MBNL2: variants seen among roughly 807,000 people sequenced by gnomAD.
The protein encoded by MBNL2 is muscleblind-like protein 2.
In MBNL2, 17 loss-of-function variants were observed where a neutral mutation model predicts 41.9. The ratio of observed to expected loss-of-function variants is 0.41; its 90% CI spans 0.28 to 0.61. MBNL2 has a LOEUF of 0.61. MBNL2 is among the 20% of genes least tolerant of loss of function. MBNL2 has a pLI of 0.35. For missense variants in MBNL2, 336 were observed against 505.6 expected, an observed-to-expected ratio of 0.66 and a Z score of 3.22; for synonymous variants, 195 against 182.9, an observed-to-expected ratio of 1.07 and a Z score of -0.53.
the MBNL2 span, among the ~76,000 whole-genome samples, chr13:97,181,562 A>T: frequency 6.6e-6 from 1 of 152,198 alleles, no homozygotes; most frequent in Non-Finnish European, 1.5e-5. Flanking sequence ...TTTTGCTCCT[A>T]AAAAATTCTC....
chr13:97,348,277 C>T (rs1431442634), intron 5 of MBNL2, among the ~76,000 whole-genome samples: 1 of 151,838 alleles, frequency 6.6e-6, no homozygotes, highest in Admixed American at 6.6e-5. Context: ...CCAGGCTAGT[C>T]TCAAAACTCC....
intron 1 of MBNL2, among the ~76,000 whole-genome samples, chr13:97,272,267 TTGTA>T (rs2051204898): frequency 6.6e-6 from 1 of 152,184 alleles, no homozygotes; most frequent in East Asian, 1.9e-4. Flanking sequence ...TTCATATCCT[TTGTA>T]TGTTCATATC....
At chr13:97,208,775 G>A in the MBNL2 span, among the ~76,000 whole-genome samples, 1 of 152,082 alleles carries the variant, frequency 6.6e-6, no homozygotes, top group Non-Finnish European at 1.5e-5. Context: ...ATGTTAACTG[G>A]GCAGATGTGT....
intron 3 of MBNL2, among the ~76,000 whole-genome samples, chr13:97,336,336 C>A (rs1305037212): frequency 6.6e-6 from 1 of 151,796 alleles, no homozygotes; most frequent in Non-Finnish European, 1.5e-5. Flanking sequence ...GAATTAGTGA[C>A]CTAGTAGAGT....
intron 2 of MBNL2, among the ~76,000 whole-genome samples, chr13:97,296,752 A>T (rs1382219913): frequency 6.6e-6 from 1 of 152,212 alleles, no homozygotes; most frequent in Non-Finnish European, 1.5e-5. Context: ...ATACTAGAAA[A>T]TGAGGGAGGC....
the MBNL2 span, among the ~76,000 whole-genome samples, chr13:97,201,708 A>T: frequency 6.6e-6 from 1 of 152,226 alleles, no homozygotes; most frequent in African/African-American, 2.4e-5. Flanking sequence ...TATCACTGAT[A>T]GTTCAAACCC....
At chr13:97,224,288 G>A (rs1180983511) in intron 1 of MBNL2, among the ~76,000 whole-genome samples, 1 of 152,190 alleles carries the variant, frequency 6.6e-6, no homozygotes, top group African/African-American at 2.4e-5. Context: ...GTGATGGTGA[G>A]AACAGCTGCT....
At position 97,252,760 on chromosome 13, in the gene MBNL2, G is replaced by A. The variant is rs560664202; in HGVS notation, c.-604-22872G>A. 1.3e-4 allele frequency among the ~76,000 whole-genome samples: 20 copies of A among 151,850 alleles called. No homozygotes were observed. The South Asian group carries it at 4.2e-3, about 32-fold the overall frequency. On this transcript the variant is annotated intron_variant, in intron 1 of 8. Transcript: ENST00000679496. ...ACTTAACTGAACTCACTTTTTCCTT[G>A]TGAGAACTAAATTTAATTCTCTTGA...
chr13:97,220,255 GCC>G (rs2040742586), upstream of MBNL2, among the ~76,000 whole-genome samples: 1 of 152,152 alleles, frequency 6.6e-6, no homozygotes, highest in South Asian at 2.1e-4. Context: ...TACGACACAA[GCC>G]TTGATTTCTG....
Position 97,393,886 on chromosome 13 carries a change from A to G in MBNL2, c.*2437A>G, listed in dbSNP as rs1052627002. ...AGACTAACTCTCCACTTGTATGGGAACTACATTTCACTCTTGGTTTTCAGG... is the reference window on the plus strand; with the variant it reads ...AGACTAACTCTCCACTTGTATGGGAGCTACATTTCACTCTTGGTTTTCAGG... On this transcript the variant is annotated 3_prime_UTR_variant, in exon 9 of 9. Transcript: ENST00000679496. 1 of 152,576 alleles carries G rather than the reference A, an allele frequency of 6.6e-6. No homozygotes were observed. Among genetic ancestry groups the G allele is most frequent in the Non-Finnish European group, 1.5e-5 (1 of 67,992 alleles). The allele number at this position is 152,576 out of a possible 1,614,324, so 9.5% of individuals were successfully genotyped here. A position where few individuals can be genotyped will look rare whatever the true frequency, so the allele number is the denominator to read the frequency against.
At chr13:97,149,018 G>C in the MBNL2 span, among the ~76,000 whole-genome samples, 1 of 152,218 alleles carries the variant, frequency 6.6e-6, no homozygotes, top group Non-Finnish European at 1.5e-5. Flanking sequence ...CACGCAATAT[G>C]TTTGCTGTGT....
chr13:97,148,008 C>G, the MBNL2 span, among the ~76,000 whole-genome samples: 4 of 152,112 alleles, frequency 2.6e-5, no homozygotes, highest in African/African-American at 7.2e-5. Context: ...CTCTGTTCAC[C>G]CTGAGCTGCC....
the MBNL2 span, among the ~76,000 whole-genome samples, chr13:97,154,563 G>T: frequency 5.9e-5 from 9 of 152,080 alleles, no homozygotes; most frequent in African/African-American, 2.2e-4. Context: ...GAATCTGCCT[G>T]CCTTGGCCTC....
intron 2 of MBNL2, among the ~76,000 whole-genome samples, chr13:97,311,424 C>T (rs1220507543): frequency 2.6e-5 from 4 of 152,218 alleles, no homozygotes; most frequent in Non-Finnish European, 2.9e-5. Context: ...TGCTTTTAAG[C>T]GTGAATCCCC....
chr13:97,152,022 A>G, the MBNL2 span, among the ~76,000 whole-genome samples: 1 of 152,308 alleles, frequency 6.6e-6, no homozygotes, highest in Middle Eastern at 3.4e-3. Context: ...AAATCTGCCA[A>G]CCTGAAAGTC....
At chr13:97,238,273 C>T (rs1026117779) in intron 1 of MBNL2, among the ~76,000 whole-genome samples, 2 of 152,174 alleles carry the variant, frequency 1.3e-5, no homozygotes, top group Non-Finnish European at 2.9e-5. Flanking sequence ...GTAGACGACA[C>T]AGGCTTGGGT....
At chr13:97,256,446 A>G (rs573837722) in intron 1 of MBNL2, among the ~76,000 whole-genome samples, 1 of 152,256 alleles carries the variant, frequency 6.6e-6, no homozygotes, top group East Asian at 1.9e-4. Flanking sequence ...GGTTATAGCA[A>G]CCAGCATAGT....
upstream of MBNL2, among the ~76,000 whole-genome samples, chr13:97,217,557 G>T (rs549568843): frequency 6.6e-6 from 1 of 152,218 alleles, no homozygotes; most frequent in Non-Finnish European, 1.5e-5. Flanking sequence ...AGGAATAGAA[G>T]ATTTTTCATG....
Position 97,303,342 on chromosome 13 carries a change from G to A in MBNL2, c.174+26933G>A, listed in dbSNP as rs116367865. Among the ~76,000 whole-genome samples the A allele has an allele frequency of 7.0e-3, 1,070 of 152,276 alleles. 11 individuals carry two copies. Among genetic ancestry groups the A allele is most frequent in the African/African-American group, 0.024 (1,008 of 41,554 alleles). ...CAGGTGGAGTCAGGAGGGTCCTCAG[G>A]GCTGGGCAATGGGTGGGGGTGCCCA... is the stretch of plus-strand genomic sequence containing the variant. On this transcript the variant is annotated intron_variant, in intron 2 of 8. Coordinates refer to ENST00000679496, the MANE Select transcript of MBNL2 (RefSeq NM_001382683.1).
Sources: gnomAD v4.1 joint callset for allele counts (sites outside exome capture counted in the v4.1 genomes callset) on GRCh38, gnomAD v4.1.1 for gene constraint, MANE v1.5 for transcripts, NCBI Gene and HGNC (gene_info 2026-07-23, HGNC 2026-07-21) for gene names.